The following SHISA9 variants were observed in gnomAD, a reference collection of about 807,000 sequenced individuals.
The protein encoded by SHISA9 is shisa family member 9.
SHISA9 carries 13 observed loss-of-function variants against 38.0 expected under a neutral mutation model. The ratio of observed to expected loss-of-function variants is 0.34; its 90% CI spans 0.22 to 0.54. The LOEUF is 0.54. Ranked by LOEUF, SHISA9 falls within the 20% of genes least tolerant of loss-of-function variation. The pLI, the probability that SHISA9 is intolerant of heterozygous loss-of-function variation, is 0.91. For synonymous variants in SHISA9, 275 were observed against 242.0 expected (o/e 1.14, Z -1.27); for missense variants, 538 against 575.8 (o/e 0.93, Z 0.67).
At chr16:12,925,391 G>C (rs554860889) in intron 2 of SHISA9, among the ~76,000 whole-genome samples, 1 of 150,928 alleles carries the variant, frequency 6.6e-6, no homozygotes, top group East Asian at 2.0e-4. Flanking sequence ...GTAAGAATCT[G>C]TATGGTCCCC....
At chr16:13,063,491 T>G (rs1267823255) in intron 2 of SHISA9, among the ~76,000 whole-genome samples, 1 of 152,132 alleles carries the variant, frequency 6.6e-6, no homozygotes, top group Non-Finnish European at 1.5e-5. Context: ...TCTCATCTCG[T>G]AAAGTGGAAA....
At chr16:13,440,929 G>GA in the SHISA9 span, among the ~76,000 whole-genome samples, 200 of 141,884 alleles carry the variant, frequency 1.4e-3, 6 homozygotes, top group South Asian at 0.032. Context: ...AAAAAAAAAA[G>GA]AAAAAAAAAA....
chr16:13,413,727 C>T, the SHISA9 span, among the ~76,000 whole-genome samples: 1 of 112,566 alleles, frequency 8.9e-6, no homozygotes, highest in Non-Finnish European at 1.6e-5. Flanking sequence ...CATTGTACTA[C>T]AGCCTGGGTG....
the SHISA9 span, among the ~76,000 whole-genome samples, chr16:13,504,571 G>A: frequency 5.9e-5 from 9 of 152,208 alleles, no homozygotes; most frequent in African/African-American, 2.2e-4. Context: ...ACAAGATTAT[G>A]GAAATCATCA....
At chr16:13,479,606 T>A in the SHISA9 span, among the ~76,000 whole-genome samples, 2 of 152,218 alleles carry the variant, frequency 1.3e-5, no homozygotes, top group Non-Finnish European at 2.9e-5. Flanking sequence ...ATATATACTT[T>A]CATTATTCAC....
chr16:13,446,861 T>TCCCAG, the SHISA9 span, among the ~76,000 whole-genome samples: 1 of 151,768 alleles, frequency 6.6e-6, no homozygotes, highest in African/African-American at 2.4e-5. Flanking sequence ...ATGCCTGTAG[T>TCCCAG]CCCAGCTGCT....
the SHISA9 span, among the ~76,000 whole-genome samples, chr16:13,282,529 C>G: frequency 3.0e-4 from 46 of 151,996 alleles, no homozygotes; most frequent in African/African-American, 1.0e-3. Flanking sequence ...ATATATTTAT[C>G]ACACTTTTGT....
At chr16:13,157,160 C>T (rs546030645) in intron 2 of SHISA9, among the ~76,000 whole-genome samples, 59 of 152,224 alleles carry the variant, frequency 3.9e-4, no homozygotes, top group African/African-American at 1.3e-3. Context: ...ATCCGTCCAT[C>T]CCCCCATCCA....
the SHISA9 span, among the ~76,000 whole-genome samples, chr16:13,285,663 G>C: frequency 6.6e-6 from 1 of 151,894 alleles, no homozygotes; most frequent in Non-Finnish European, 1.5e-5. Flanking sequence ...TAGAGTTTCT[G>C]GGTTGGAAAT....
At chr16:13,170,404 C>T (rs1010897467) in intron 2 of SHISA9, among the ~76,000 whole-genome samples, 13 of 152,050 alleles carry the variant, frequency 8.5e-5, no homozygotes, top group African/African-American at 3.1e-4. Context: ...TAAAGCAATA[C>T]CCAAGACTGG....
the SHISA9 span, among the ~76,000 whole-genome samples, chr16:13,344,913 A>G: frequency 3.3e-5 from 5 of 152,304 alleles, no homozygotes; most frequent in Admixed American, 3.3e-4. Flanking sequence ...AAGAGCTAAG[A>G]TAAGTCACTC....
chr16:13,114,905 T>A (rs1287301878), intron 2 of SHISA9, among the ~76,000 whole-genome samples: 1 of 143,982 alleles, frequency 6.9e-6, no homozygotes, highest in Non-Finnish European at 1.5e-5. Context: ...TCTAACTCCA[T>A]CCATCCATCC....
chr16:13,214,871 A>G (rs2051152650), intron 4 of SHISA9, among the ~76,000 whole-genome samples: 1 of 152,062 alleles, frequency 6.6e-6, no homozygotes, highest in African/African-American at 2.4e-5. Context: ...TCCTCCCACA[A>G]CACCTGGGAA....
the SHISA9 span, among the ~76,000 whole-genome samples, chr16:13,398,070 G>A: frequency 6.6e-6 from 1 of 152,140 alleles, no homozygotes; most frequent in Non-Finnish European, 1.5e-5. Flanking sequence ...GGCATCTGTC[G>A]GTGTGCTCTT....
chr16:13,386,574 T>A, the SHISA9 span, among the ~76,000 whole-genome samples: 1 of 152,246 alleles, frequency 6.6e-6, no homozygotes, highest in Non-Finnish European at 1.5e-5. Flanking sequence ...TTCTTAGAAG[T>A]GTGTCTGGCA....
the SHISA9 span, among the ~76,000 whole-genome samples, chr16:13,396,933 A>T: frequency 6.6e-6 from 1 of 152,102 alleles, no homozygotes; most frequent in African/African-American, 2.4e-5. Context: ...ATCCACATAT[A>T]TGTGGATTTT....
chr16:13,046,952 A>T (rs954829975), intron 2 of SHISA9, among the ~76,000 whole-genome samples: 3 of 151,730 alleles, frequency 2.0e-5, no homozygotes, highest in Non-Finnish European at 2.9e-5. Context: ...TGTGGCTCTT[A>T]CCCCCTGTGT....
intron 2 of SHISA9, among the ~76,000 whole-genome samples, chr16:12,934,969 A>G (rs949979814): frequency 2.0e-5 from 3 of 152,162 alleles, no homozygotes; most frequent in African/African-American, 7.2e-5. Context: ...GGCAGCTCCA[A>G]CCATGGTCTT....
chr16:12,967,369 T>C (rs989293367), intron 2 of SHISA9, among the ~76,000 whole-genome samples: 7 of 151,606 alleles, frequency 4.6e-5, no homozygotes, highest in African/African-American at 1.5e-4. Context: ...TGAGAACACA[T>C]GGACACAGGA....
Sources: gnomAD v4.1 joint callset for allele counts (sites outside exome capture counted in the v4.1 genomes callset) on GRCh38, gnomAD v4.1.1 for gene constraint, MANE v1.5 for transcripts, NCBI Gene and HGNC (gene_info 2026-07-23, HGNC 2026-07-21) for gene names.